The following TDRD3 variants were observed in gnomAD, a reference collection of about 807,000 sequenced individuals.
The protein encoded by TDRD3 is tudor domain containing 3, also known as tudor domain-containing protein 3.
Under a neutral mutation model 86.7 loss-of-function variants are expected in TDRD3, and 45 were observed. The ratio of observed to expected loss-of-function variants is 0.52; its 90% CI spans 0.41 to 0.67. The LOEUF is 0.67. Ranked by LOEUF, TDRD3 falls within the 30% of genes least tolerant of loss-of-function variation. The pLI is 0.00. For synonymous variants in TDRD3, 298 were observed against 301.7 expected, an observed-to-expected ratio of 0.99 and a Z score of 0.13; for missense variants, 814 against 889.0, an observed-to-expected ratio of 0.92 and a Z score of 1.07.
At chr13:60,409,121 A>T (rs897407207) in intron 1 of TDRD3, among the ~76,000 whole-genome samples, 5 of 152,228 alleles carry the variant, frequency 3.3e-5, no homozygotes, top group Non-Finnish European at 7.3e-5. Flanking sequence ...GGCAGCTTCC[A>T]TGTGGTGTTG....
intron 1 of TDRD3, among the ~76,000 whole-genome samples, chr13:60,397,992 C>T (rs1170456025): frequency 6.6e-6 from 1 of 152,192 alleles, no homozygotes; most frequent in Non-Finnish European, 1.5e-5. Flanking sequence ...ACTTCTGGAG[C>T]TAAGAATGAC....
chr13:60,409,987 A>G (rs1954320259), intron 1 of TDRD3, among the ~76,000 whole-genome samples: 1 of 152,142 alleles, frequency 6.6e-6, no homozygotes, highest in Non-Finnish European at 1.5e-5. Context: ...TAATTGAATC[A>G]TGGGGGCCAG....
intron 8 of TDRD3, 31 bp from the exon 9 acceptor site, chr13:60,509,732 A>T (rs781391384): frequency 6.2e-7 from 1 of 1,612,962 alleles, no homozygotes; most frequent in South Asian, 1.1e-5. Flanking sequence ...TCTGTGGGCT[A>T]TCAGCCAGCT....
At chr13:60,397,597 T>TGGAGGC (rs1387064934) in intron 1 of TDRD3, among the ~76,000 whole-genome samples, 192 bp downstream of exon 1, 1 of 147,382 alleles carries the variant, frequency 6.8e-6, no homozygotes, top group African/African-American at 2.5e-5. Context: ...CTAGGTCCCC[T>TGGAGGC]GGAGGCGGCG....
chr13:60,418,515 AGT>A (rs1219934741), intron 1 of TDRD3, among the ~76,000 whole-genome samples: 1 of 152,160 alleles, frequency 6.6e-6, no homozygotes, highest in Non-Finnish European at 1.5e-5. Context: ...GGACTAGTAC[AGT>A]GTCTGCCACA....
intron 1 of TDRD3, among the ~76,000 whole-genome samples, chr13:60,417,567 C>G (rs1218146917): frequency 6.6e-6 from 1 of 151,934 alleles, no homozygotes; most frequent in Non-Finnish European, 1.5e-5. Context: ...ATCTTGAACT[C>G]CTGACTTCAG....
At chr13:60,425,122 G>A (rs1157478458) in intron 1 of TDRD3, among the ~76,000 whole-genome samples, 2 of 152,072 alleles carry the variant, frequency 1.3e-5, no homozygotes, top group Non-Finnish European at 2.9e-5. Flanking sequence ...GCATAACTAT[G>A]TAAAATAAGA....
At chr13:60,483,733 T>C in intron 5 of TDRD3, 42 bp from the exon 6 acceptor site, 2 of 1,541,852 alleles carry the variant, frequency 1.3e-6, no homozygotes, top group Non-Finnish European at 1.8e-6. Context: ...AAATATATTT[T>C]TTATGTATAA....
chr13:60,547,247 G>A, intron 12 of TDRD3: 2 of 985,392 alleles, frequency 2.0e-6, no homozygotes, highest in South Asian at 4.7e-5. Context: ...ACCCAAGGCT[G>A]GAAAACATTT....
intron 3 of TDRD3, 61 bp from the exon 4 acceptor site, chr13:60,460,319 C>A: frequency 7.1e-7 from 1 of 1,406,176 alleles, no homozygotes; most frequent in Non-Finnish European, 9.4e-7. Context: ...TAAATGAAAA[C>A]ACAGCCCTGA....
At chr13:60,456,157 T>C (rs1321900614) in intron 3 of TDRD3, among the ~76,000 whole-genome samples, 1 of 151,976 alleles carries the variant, frequency 6.6e-6, no homozygotes, top group Non-Finnish European at 1.5e-5. Flanking sequence ...AAAAAAAAAT[T>C]GTTTTAAGTG....
At chr13:60,565,041 C>CTTTT (rs869194148) in intron 12 of TDRD3, among the ~76,000 whole-genome samples, 953 of 70,888 alleles carry the variant, frequency 0.013, 182 homozygotes, top group African/African-American at 0.043. Flanking sequence ...CTATCAGTAT[C>CTTTT]TTTTTTTTTT....
chr13:60,472,373 T>TC (rs1956091531), intron 5 of TDRD3, among the ~76,000 whole-genome samples: 13 of 152,154 alleles, frequency 8.5e-5, no homozygotes, highest in Admixed American at 7.2e-4. Context: ...TGTACAGTAG[T>TC]TTAAAACACA....
At chr13:60,417,008 T>C (rs990537583) in intron 1 of TDRD3, among the ~76,000 whole-genome samples, 2 of 150,886 alleles carry the variant, frequency 1.3e-5, no homozygotes, top group African/African-American at 4.9e-5. Context: ...AACTGATCAG[T>C]CTCTCTCTCT....
intron 1 of TDRD3, among the ~76,000 whole-genome samples, chr13:60,434,635 TTTAGA>T (rs1280469236): frequency 2.0e-5 from 3 of 152,098 alleles, no homozygotes; most frequent in Non-Finnish European, 4.4e-5. Context: ...GTTGTCATAG[TTTAGA>T]TTAGTAATAA....
At chr13:60,435,915 A>G (rs1449113899) in intron 1 of TDRD3, among the ~76,000 whole-genome samples, 9 of 104,910 alleles carry the variant, frequency 8.6e-5, no homozygotes, top group Admixed American at 7.8e-4. Context: ...GACAACATCT[A>G]TGGTTTTTTT....
At chr13:60,410,057 A>G (rs1216270393) in intron 1 of TDRD3, among the ~76,000 whole-genome samples, 2 of 152,122 alleles carry the variant, frequency 1.3e-5, no homozygotes, top group Admixed American at 6.5e-5. Context: ...TGGGTTTATC[A>G]AGGGTTTCTG....
At chr13:60,491,131 AAAG>A (rs895013757) in intron 7 of TDRD3, among the ~76,000 whole-genome samples, 5 of 151,598 alleles carry the variant, frequency 3.3e-5, no homozygotes, top group African/African-American at 4.8e-5. Context: ...AAAAAAAAAA[AAAG>A]AAGAAGAATG....
intron 8 of TDRD3, among the ~76,000 whole-genome samples, chr13:60,499,605 C>T (rs1325663463): frequency 2.0e-5 from 3 of 152,198 alleles, no homozygotes; most frequent in African/African-American, 4.8e-5. Flanking sequence ...ATCCAGTAAG[C>T]ACGAAGTAGC....
Sources: gnomAD v4.1 joint callset for allele counts (sites outside exome capture counted in the v4.1 genomes callset) on GRCh38, gnomAD v4.1.1 for gene constraint, MANE v1.5 for transcripts, NCBI Gene and HGNC (gene_info 2026-07-23, HGNC 2026-07-21) for gene names.